The following TPTE2 variants were observed in gnomAD, a reference collection of about 807,000 sequenced individuals.
TPTE2 encodes phosphatidylinositol 3,4,5-trisphosphate 3-phosphatase TPTE2.
In TPTE2, 53 loss-of-function variants were observed where a neutral mutation model predicts 78.6. The observed-to-expected ratio is 0.67, with a 90% CI of 0.54 to 0.85. The LOEUF is 0.85. Ranked by LOEUF, TPTE2 falls within the 40% of genes least tolerant of loss-of-function variation. TPTE2 has a pLI of 0.00. For synonymous variants in TPTE2, 175 were observed against 206.2 expected (o/e 0.85, Z 1.30); for missense variants, 461 against 623.0 (o/e 0.74, Z 2.77).
chr13:19,461,774 C>T (rs1010116566), intron 10 of TPTE2, among the ~76,000 whole-genome samples: 2 of 152,226 alleles, frequency 1.3e-5, no homozygotes, highest in Non-Finnish European at 2.9e-5. Flanking sequence ...TCTCTTCATA[C>T]AGTTTGACTT....
At chr13:19,557,760 G>A in the TPTE2 span, among the ~76,000 whole-genome samples, 1 of 152,046 alleles carries the variant, frequency 6.6e-6, no homozygotes, top group Non-Finnish European at 1.5e-5. Flanking sequence ...TATACCATCA[G>A]AACACTAAGG....
upstream of TPTE2, among the ~76,000 whole-genome samples, chr13:19,506,234 G>C (rs1253019236): frequency 3.2e-4 from 39 of 123,450 alleles, no homozygotes; most frequent in Middle Eastern, 5.4e-3. Context: ...TGCAGTGGCG[G>C]GATCTCGGCT....
intron 4 of TPTE2, among the ~76,000 whole-genome samples, chr13:19,476,045 G>A (rs920209598): frequency 6.6e-6 from 1 of 152,134 alleles, no homozygotes; most frequent in African/African-American, 2.4e-5. Context: ...GGTGTTTCAG[G>A]AATGAGCATA....
chr13:19,515,752 A>G (rs1869752560), intron 1 of TPTE2, among the ~76,000 whole-genome samples: 1 of 152,236 alleles, frequency 6.6e-6, no homozygotes, highest in Admixed American at 6.5e-5. Flanking sequence ...CAAAACACCA[A>G]AAAGGTAAGA....
exon 20 of TPTE2, chr13:19,422,969 A>G: frequency 6.8e-7 from 1 of 1,480,566 alleles, no homozygotes; most frequent in Non-Finnish European, 9.2e-7. Context: ...GGACACATGA[A>G]CATGTGGCAG....
chr13:19,526,022 T>C (rs566926280), intron 1 of TPTE2, among the ~76,000 whole-genome samples: 1 of 152,216 alleles, frequency 6.6e-6, no homozygotes, highest in Admixed American at 6.5e-5. Context: ...TAGCTATTAT[T>C]AAAAAGCCAA....
the TPTE2 span, among the ~76,000 whole-genome samples, chr13:19,543,161 G>A: frequency 6.6e-5 from 10 of 151,668 alleles, no homozygotes; most frequent in Admixed American, 5.3e-4. Context: ...GGGCTCCAGC[G>A]ATCGTCCCAC....
chr13:19,491,228 G>A (rs1302897458), intron 3 of TPTE2, among the ~76,000 whole-genome samples: 1 of 152,032 alleles, frequency 6.6e-6, no homozygotes, highest in Non-Finnish European at 1.5e-5. Context: ...CTCAAATTTT[G>A]TGGAAGGTCC....
chr13:19,472,913 C>G (rs1395874815), intron 6 of TPTE2, among the ~76,000 whole-genome samples: 2 of 152,190 alleles, frequency 1.3e-5, no homozygotes, highest in Non-Finnish European at 2.9e-5. Flanking sequence ...CTGCTCTAGG[C>G]GGCACCCCAA....
At chr13:19,511,760 A>T (rs1869459019) in intron 1 of TPTE2, among the ~76,000 whole-genome samples, 1 of 152,204 alleles carries the variant, frequency 6.6e-6, no homozygotes, top group Non-Finnish European at 1.5e-5. Flanking sequence ...AAATAATGTA[A>T]GAATTTATAA....
chr13:19,452,818 A>T (rs1436964974), intron 10 of TPTE2, among the ~76,000 whole-genome samples: 2 of 152,128 alleles, frequency 1.3e-5, no homozygotes, highest in African/African-American at 4.8e-5. Flanking sequence ...TATACAGAAA[A>T]AGCCTTATGC....
chr13:19,534,016 C>G (rs1468748455), intron 1 of TPTE2, among the ~76,000 whole-genome samples: 1 of 152,182 alleles, frequency 6.6e-6, no homozygotes, highest in Non-Finnish European at 1.5e-5. Context: ...AGACCTCTAT[C>G]AGATACAGGT....
the TPTE2 span, among the ~76,000 whole-genome samples, chr13:19,550,330 A>G: frequency 6.6e-6 from 1 of 152,196 alleles, no homozygotes; most frequent in Admixed American, 6.5e-5. Flanking sequence ...CATAATTTTG[A>G]TGCTCTTAAG....
exon 17 of TPTE2, chr13:19,430,483 T>A: frequency 1.2e-6 from 2 of 1,611,024 alleles, no homozygotes; most frequent in Non-Finnish European, 1.7e-6. Context: ...AATTTCCTAA[T>A]GAAGTACTGG....
chr13:19,445,573 G>C (rs1014626183), intron 13 of TPTE2, among the ~76,000 whole-genome samples: 1 of 152,194 alleles, frequency 6.6e-6, no homozygotes, highest in African/African-American at 2.4e-5. Context: ...CCCTAAGACA[G>C]AACAATTTTA....
intron 10 of TPTE2, among the ~76,000 whole-genome samples, chr13:19,462,247 G>A (rs1267971305): frequency 1.3e-5 from 2 of 152,108 alleles, no homozygotes; most frequent in African/African-American, 4.8e-5. Context: ...GCTTCCAGAT[G>A]TAGAACCACC....
chr13:19,497,534 G>A (rs1471574724), intron 1 of TPTE2, among the ~76,000 whole-genome samples: 2 of 77,316 alleles, frequency 2.6e-5, no homozygotes, highest in Non-Finnish European at 7.0e-5. Context: ...CCCCCAGCAG[G>A]GGCACACTGA....
At chr13:19,467,992 G>C (rs1376521334) in intron 6 of TPTE2, among the ~76,000 whole-genome samples, 4 of 112,520 alleles carry the variant, frequency 3.6e-5, no homozygotes, top group African/African-American at 1.3e-4. Context: ...GTGATCTCTA[G>C]TTCCATCCAT....
chr13:19,432,545 G>A lies in TPTE2; in HGVS notation c.1150C>T (p.His384Tyr), dbSNP rs192298083. ...GGAGGGAGATTCCAGTTGTAGAGAT[G>A]TTTCACTTGTGCAAAATATCCAACA... The change falls in exon 16 of 20, where the codon CAT becomes TAT. Residue 384 changes from histidine (H) to tyrosine (Y), a missense_variant. Physicochemically the swap from His to Tyr is moderately conservative, Grantham distance 83 (BLOSUM62 2). Transcript: ENST00000400230. 2.4e-4 allele frequency: 382 copies of A among 1,603,990 alleles called. 1 individual carries two copies. In the East Asian group the frequency reaches 6.1e-3, roughly 26 times the overall value.
Sources: allele counts gnomAD v4.1 joint callset (sites outside exome capture counted in the v4.1 genomes callset), GRCh38; gene constraint gnomAD v4.1.1; transcripts MANE v1.5; gene names NCBI Gene and HGNC (gene_info 2026-07-23, HGNC 2026-07-21).